The following RASAL2 variants were observed in gnomAD, a reference collection of about 807,000 sequenced individuals.
The protein encoded by RASAL2 is RAS protein activator like 2, also known as ras GTPase-activating protein nGAP.
RASAL2 carries 58 observed loss-of-function variants against 128.9 expected under a neutral mutation model. That is an observed-to-expected ratio of 0.45 (90% CI 0.36 to 0.56). The LOEUF (loss-of-function observed/expected upper bound fraction) is 0.56. Ranked by LOEUF, RASAL2 falls within the 20% of genes least tolerant of loss-of-function variation. RASAL2 has a pLI of 0.00. For missense variants in RASAL2, 1,360 were observed against 1,601.6 expected (o/e 0.85, Z 2.57); for synonymous variants, 561 against 580.8 (o/e 0.97, Z 0.49).
chr1:178,278,814 C>T (rs921376288), intron 1 of RASAL2, among the ~76,000 whole-genome samples: 4 of 152,050 alleles, frequency 2.6e-5, no homozygotes, highest in Non-Finnish European at 5.9e-5. Flanking sequence ...TGGAGTGTGT[C>T]TGTGTGTGTG....
chr1:178,388,613 A>G (rs983906242), intron 3 of RASAL2, among the ~76,000 whole-genome samples: 1 of 152,218 alleles, frequency 6.6e-6, no homozygotes, highest in Non-Finnish European at 1.5e-5. Flanking sequence ...TTACCAGTCA[A>G]GATGTCACAG....
chr1:178,167,574 C>T (rs1185934630), intron 1 of RASAL2, among the ~76,000 whole-genome samples: 3 of 152,078 alleles, frequency 2.0e-5, no homozygotes, highest in Non-Finnish European at 4.4e-5. Flanking sequence ...CAGAAATTTG[C>T]ATGTAACTTT....
chr1:178,109,378 A>G (rs879336853), intron 1 of RASAL2, among the ~76,000 whole-genome samples: 8 of 152,158 alleles, frequency 5.3e-5, no homozygotes, highest in Non-Finnish European at 1.0e-4. Flanking sequence ...CTGGGATTAT[A>G]GGTGCATGCT....
chr1:178,455,602 C>T (rs1029465265), intron 12 of RASAL2, among the ~76,000 whole-genome samples: 1 of 152,212 alleles, frequency 6.6e-6, no homozygotes, highest in African/African-American at 2.4e-5. Context: ...TTCTCGAGGA[C>T]CTTTTCTTCA....
chr1:178,354,384 G>T (rs1052353331), intron 3 of RASAL2, among the ~76,000 whole-genome samples: 4 of 152,134 alleles, frequency 2.6e-5, no homozygotes, highest in Non-Finnish European at 5.9e-5. Flanking sequence ...AAAACCCATC[G>T]ACAAATATAT....
rs74131315 is a variant in RASAL2, at chr1:178,330,782, C to T, written c.457+30664C>T. On this transcript the variant is annotated intron_variant, in intron 3 of 17. Coordinates refer to ENST00000367649, the MANE Select transcript of RASAL2 (RefSeq NM_170692.4). ...AATGGGGGGTGAATGATAAAAATCG[C>T]TCTCATTTTCCTTTTTTTCACCTTT... 5.5e-3 allele frequency among the ~76,000 whole-genome samples: 831 copies of T among 152,098 alleles called. 10 individuals carry two copies. Among genetic ancestry groups the T allele is most frequent in the African/African-American group, 0.019 (777 of 41,494 alleles).
intron 1 of RASAL2, among the ~76,000 whole-genome samples, chr1:178,131,071 A>C (rs891213005): frequency 1.3e-5 from 2 of 150,940 alleles, no homozygotes; most frequent in African/African-American, 2.4e-5. Context: ...AAACAAAAAA[A>C]AAACAAAAAA....
At chr1:178,446,803 G>C (rs1251920288) in intron 9 of RASAL2, among the ~76,000 whole-genome samples, 1 of 152,130 alleles carries the variant, frequency 6.6e-6, no homozygotes, top group African/African-American at 2.4e-5. Flanking sequence ...TGATAGAATT[G>C]TCAAACTTTC....
At chr1:178,279,817 G>T (rs1666698010) in intron 1 of RASAL2, among the ~76,000 whole-genome samples, 3 of 152,098 alleles carry the variant, frequency 2.0e-5, no homozygotes, top group Admixed American at 2.0e-4. Flanking sequence ...TTTGAGCTTG[G>T]CAGCTTCCCA....
chr1:178,376,049 G>A (rs1671973933), intron 3 of RASAL2, among the ~76,000 whole-genome samples: 1 of 152,006 alleles, frequency 6.6e-6, no homozygotes, highest in South Asian at 2.1e-4. Flanking sequence ...TTTGGGGGTG[G>A]GTGGAGACAA....
chr1:178,154,897 C>T (rs1472604771), intron 1 of RASAL2, among the ~76,000 whole-genome samples: 2 of 152,118 alleles, frequency 1.3e-5, no homozygotes, highest in Non-Finnish European at 2.9e-5. Flanking sequence ...CATCTCAGCT[C>T]ACTGCAACCT....
intron 4 of RASAL2, 65 bp from the exon 5 acceptor site, chr1:178,420,446 A>G: frequency 1.0e-6 from 1 of 991,922 alleles, no homozygotes; most frequent in Non-Finnish European, 1.5e-6. Context: ...TTTTGCAGAG[A>G]TAGTGTGGAC....
chr1:178,371,352 A>AC (rs1553222434), intron 3 of RASAL2, among the ~76,000 whole-genome samples: 85 of 117,666 alleles, frequency 7.2e-4, no homozygotes, highest in Admixed American at 5.7e-3. Context: ...ACACACACAC[A>AC]AATACACACA....
intron 1 of RASAL2, among the ~76,000 whole-genome samples, chr1:178,152,723 T>TA (rs1319412531): frequency 1.3e-5 from 2 of 152,178 alleles, no homozygotes; most frequent in Non-Finnish European, 2.9e-5. Flanking sequence ...ATTTTATACA[T>TA]ACACAAAAGT....
intron 3 of RASAL2, among the ~76,000 whole-genome samples, chr1:178,369,482 C>T (rs1439514314): frequency 2.0e-5 from 3 of 151,682 alleles, no homozygotes; most frequent in Non-Finnish European, 4.4e-5. Context: ...CCTCAGCCTC[C>T]GAAATGCTGG....
At chr1:178,186,834 G>T (rs1662318824) in intron 1 of RASAL2, among the ~76,000 whole-genome samples, 2 of 150,880 alleles carry the variant, frequency 1.3e-5, no homozygotes, top group African/African-American at 2.4e-5. Flanking sequence ...TTTTTTTGGG[G>T]GGTTGGGCAG....
intron 1 of RASAL2, among the ~76,000 whole-genome samples, chr1:178,169,111 C>T (rs143810222): frequency 6.6e-6 from 1 of 152,004 alleles, no homozygotes; most frequent in Admixed American, 6.6e-5. Context: ...GCATAGTTGC[C>T]TACTTTTCCT....
chr1:178,295,806 T>TC (rs1667471971), intron 2 of RASAL2, among the ~76,000 whole-genome samples: 1 of 152,296 alleles, frequency 6.6e-6, no homozygotes, highest in African/African-American at 2.4e-5. Context: ...GTTGAGGAAT[T>TC]GTTTTTTCTT....
intron 1 of RASAL2, among the ~76,000 whole-genome samples, chr1:178,154,479 T>G (rs1202891580): frequency 6.6e-6 from 1 of 152,190 alleles, no homozygotes; most frequent in Non-Finnish European, 1.5e-5. Flanking sequence ...TCTGCCAGAC[T>G]GTTTTCCAAA....
Sources: allele counts gnomAD v4.1 joint callset (sites outside exome capture counted in the v4.1 genomes callset), GRCh38; gene constraint gnomAD v4.1.1; transcripts MANE v1.5; gene names NCBI Gene and HGNC (gene_info 2026-07-23, HGNC 2026-07-21).